Variants in WASL observed in about 807,000 individuals in gnomAD.
WASL encodes the protein WASP like actin nucleation promoting factor.
A neutral mutation model predicts 55.5 loss-of-function variants in WASL; 20 were observed. That is an observed-to-expected ratio of 0.36 (90% confidence interval 0.25 to 0.52). WASL has a LOEUF of 0.52. Ranked by LOEUF, WASL falls within the 20% of genes least tolerant of loss-of-function variation. The pLI is 0.92. For missense variants in WASL, 504 were observed against 622.5 expected, an observed-to-expected ratio of 0.81 and a Z score of 2.03; for synonymous variants, 249 against 217.6, an observed-to-expected ratio of 1.14 and a Z score of -1.27.
chr7:123,699,031 T>C (rs1052125974), intron 5 of WASL, among the ~76,000 whole-genome samples: 2 of 152,204 alleles, frequency 1.3e-5, no homozygotes, highest in African/African-American at 4.8e-5. Context: ...AATTACTTTG[T>C]TTCTTATCTT....
intron 1 of WASL, among the ~76,000 whole-genome samples, chr7:123,711,983 T>C (rs1014841309): frequency 1.3e-5 from 2 of 152,182 alleles, no homozygotes; most frequent in Admixed American, 6.6e-5. Context: ...TTCTCAGAAC[T>C]ATGATGATCA....
intron 9 of WASL, among the ~76,000 whole-genome samples, chr7:123,690,157 G>C (rs1427213940): frequency 6.6e-6 from 1 of 152,090 alleles, no homozygotes; most frequent in Non-Finnish European, 1.5e-5. Context: ...GTACAACAGC[G>C]GTAGGGACAT....
At chr7:123,733,522 T>A (rs375260822) in intron 1 of WASL, among the ~76,000 whole-genome samples, 1 of 152,036 alleles carries the variant, frequency 6.6e-6, no homozygotes, top group Non-Finnish European at 1.5e-5. Flanking sequence ...CAGGTTCACA[T>A]AGGAAAAAAA....
chr7:123,693,680 A>C (rs1254825907), intron 8 of WASL, among the ~76,000 whole-genome samples: 1 of 152,222 alleles, frequency 6.6e-6, no homozygotes, highest in Non-Finnish European at 1.5e-5. Flanking sequence ...AGAAAAATAA[A>C]CTTGGCTGAG....
At chr7:123,729,405 T>G (rs902239864) in intron 1 of WASL, among the ~76,000 whole-genome samples, 1 of 152,156 alleles carries the variant, frequency 6.6e-6, no homozygotes, top group Non-Finnish European at 1.5e-5. Context: ...GACTAAGTCT[T>G]TAATAATCAG....
chr7:123,719,849 CAGAT>C (rs1301727079), intron 1 of WASL, among the ~76,000 whole-genome samples: 2 of 152,178 alleles, frequency 1.3e-5, no homozygotes, highest in East Asian at 3.9e-4. Context: ...AGCCACCAGC[CAGAT>C]AGTCACTAGT....
chr7:123,691,215 C>T (rs1186344391), intron 9 of WASL, among the ~76,000 whole-genome samples: 1 of 152,070 alleles, frequency 6.6e-6, no homozygotes. Context: ...ATTAAAACAT[C>T]CTCTGTCGTC....
At chr7:123,738,757 C>CT (rs144348257) in intron 1 of WASL, among the ~76,000 whole-genome samples, 22,060 of 151,706 alleles carry the variant, frequency 0.15, 2,179 homozygotes, top group Middle Eastern at 0.27. Flanking sequence ...GGACTTAGTC[C>CT]TTTTTTTTGC....
chr7:123,708,447 TTACA>T (rs1306957741), intron 2 of WASL, among the ~76,000 whole-genome samples: 1 of 152,172 alleles, frequency 6.6e-6, no homozygotes, highest in Non-Finnish European at 1.5e-5. Context: ...GGAGGCTTAC[TTACA>T]GAAAGGTTTT....
intron 5 of WASL, among the ~76,000 whole-genome samples, chr7:123,702,068 T>A (rs1472569839): frequency 2.0e-5 from 3 of 152,128 alleles, no homozygotes; most frequent in African/African-American, 7.2e-5. Flanking sequence ...ATTCTTTTTT[T>A]TTTGAGACGG....
intron 1 of WASL, among the ~76,000 whole-genome samples, chr7:123,714,244 G>C (rs887973812): frequency 2.0e-5 from 3 of 152,068 alleles, no homozygotes; most frequent in Admixed American, 6.6e-5. Context: ...TCCTGAGAGT[G>C]GTGAGTATCA....
Position 123,739,876 on chromosome 7 carries a change from A to ATG in WASL, c.117+8740_117+8741dup, listed in dbSNP as rs745649691. Among the ~76,000 whole-genome samples, 333 of 115,608 alleles carry ATG rather than the reference A, an allele frequency of 2.9e-3. 1 individual carries two copies. The highest frequency in any genetic ancestry group is 0.017 in the Middle Eastern group (4 of 230). 75.8% of individuals were successfully genotyped at this position (115,608 alleles called of 152,430 possible). On this transcript the variant is annotated intron_variant, in intron 1 of 10. Transcript: ENST00000223023. ...ATTCAAATCTTTTATACATTTATAT[A>ATG]TGTGTGTGTGTGTGTGTGTGTGTGT...
chr7:123,683,034 C>T lies in WASL; in HGVS notation c.*1485G>A, dbSNP rs1003007589. On this transcript the variant is annotated 3_prime_UTR_variant, in exon 11 of 11. Transcript: ENST00000223023. ...ATGTAATAAATGGTTAAAATTCAAG[C>T]CACATCTTGCAGGTCCAGCCTGTCA... is the stretch of plus-strand genomic sequence containing the variant. The T allele has an allele frequency of 6.6e-6, 1 of 152,006 alleles. No individual in the cohort carries two copies. The highest frequency in any genetic ancestry group is 2.4e-5 in the African/African-American group (1 of 41,388). The allele number at this position is 152,006 out of a possible 1,614,324, so 9.4% of individuals were successfully genotyped here.
At chr7:123,708,485 T>C (rs566067897) in intron 2 of WASL, among the ~76,000 whole-genome samples, 1 of 152,264 alleles carries the variant, frequency 6.6e-6, no homozygotes, top group Non-Finnish European at 1.5e-5. Context: ...GGAGACTTCA[T>C]CTTAGCAAAA....
intron 4 of WASL, 108 bp downstream of exon 4, chr7:123,706,169 A>T: frequency 9.9e-7 from 1 of 1,013,786 alleles, no homozygotes; most frequent in Non-Finnish European, 1.4e-6. Context: ...ACCAATGAAT[A>T]CAGTTAAGTT....
chr7:123,685,560 C>T (rs146651739), intron 10 of WASL, among the ~76,000 whole-genome samples: 246 of 152,056 alleles, frequency 1.6e-3, no homozygotes, highest in Non-Finnish European at 2.7e-3. Flanking sequence ...TAATCAGTAA[C>T]GGCCTATCCC....
chr7:123,732,155 G>GT (rs1804149410), intron 1 of WASL, among the ~76,000 whole-genome samples: 1 of 151,812 alleles, frequency 6.6e-6, no homozygotes, highest in African/African-American at 2.4e-5. Flanking sequence ...GTGAAACCCC[G>GT]TCTCTACTAA....
At chr7:123,741,406 AATCC>A (rs1230671792) in intron 1 of WASL, among the ~76,000 whole-genome samples, 1 of 152,218 alleles carries the variant, frequency 6.6e-6, no homozygotes, top group African/African-American at 2.4e-5. Flanking sequence ...AGTTTCCAAG[AATCC>A]ATCAACGATG....
chr7:123,742,555 A>G (rs1804362166), intron 1 of WASL, among the ~76,000 whole-genome samples: 1 of 152,172 alleles, frequency 6.6e-6, no homozygotes, highest in African/African-American at 2.4e-5. Context: ...CTATCATATC[A>G]CTAATACAAT....
Sources: gnomAD v4.1 joint callset for allele counts (sites outside exome capture counted in the v4.1 genomes callset) on GRCh38, gnomAD v4.1.1 for gene constraint, MANE v1.5 for transcripts, NCBI Gene and HGNC (gene_info 2026-07-23, HGNC 2026-07-21) for gene names.